Variants in TMEM163 observed in about 807,000 individuals in gnomAD.
TMEM163 encodes transmembrane protein 163.
TMEM163 carries 17 observed loss-of-function variants against 29.3 expected under a neutral mutation model. The ratio of observed to expected loss-of-function variants is 0.58; its 90% CI spans 0.40 to 0.87. The LOEUF (loss-of-function observed/expected upper bound fraction) is 0.87. Among genes scored for constraint, TMEM163 ranks in the 40% least tolerant of loss-of-function variants. The pLI is 0.00. For missense variants in TMEM163, 303 were observed against 381.5 expected (o/e 0.79, Z 1.71); for synonymous variants, 157 against 160.6 (o/e 0.98, Z 0.17).
chr2:134,543,719 T>C (rs954997859), intron 4 of TMEM163, among the ~76,000 whole-genome samples: 2 of 152,224 alleles, frequency 1.3e-5, no homozygotes, highest in Non-Finnish European at 2.9e-5. Context: ...TCCTGTTGAC[T>C]GGTGGTTTTC....
intron 5 of TMEM163, among the ~76,000 whole-genome samples, chr2:134,486,535 T>C (rs926103102): frequency 1.3e-5 from 2 of 152,218 alleles, no homozygotes; most frequent in East Asian, 3.8e-4. Context: ...ACAAGTAATA[T>C]GAGCAACTTT....
chr2:134,681,419 C>T (rs746474572), intron 2 of TMEM163, among the ~76,000 whole-genome samples: 1 of 152,214 alleles, frequency 6.6e-6, no homozygotes, highest in Non-Finnish European at 1.5e-5. Context: ...CAAGCTCAGC[C>T]AACCACTGGC....
chr2:134,641,016 T>G (rs1683210588), intron 2 of TMEM163, among the ~76,000 whole-genome samples: 1 of 152,180 alleles, frequency 6.6e-6, no homozygotes. Flanking sequence ...AAAAGAAAGT[T>G]TCAAAGCATT....
intron 4 of TMEM163, among the ~76,000 whole-genome samples, chr2:134,521,155 T>C (rs188536446): frequency 1.3e-5 from 2 of 152,248 alleles, no homozygotes; most frequent in Admixed American, 1.3e-4. Flanking sequence ...CATGCCACCA[T>C]GCCCAATTAG....
chr2:134,568,018 C>CT (rs1268568715), intron 2 of TMEM163, among the ~76,000 whole-genome samples: 1 of 152,208 alleles, frequency 6.6e-6, no homozygotes, highest in African/African-American at 2.4e-5. Flanking sequence ...ACTGCATAGT[C>CT]TTAGCATTCT....
intron 1 of TMEM163, among the ~76,000 whole-genome samples, chr2:134,716,840 A>G (rs1685049189): frequency 1.3e-5 from 2 of 152,250 alleles, no homozygotes. Flanking sequence ...ACTGGTTGCC[A>G]TCAGGAAGAG....
At chr2:134,471,315 T>C (rs950885747) in intron 5 of TMEM163, among the ~76,000 whole-genome samples, 1 of 152,156 alleles carries the variant, frequency 6.6e-6, no homozygotes, top group African/African-American at 2.4e-5. Context: ...TTAGATTAGG[T>C]CATAGGGGGA....
intron 2 of TMEM163, among the ~76,000 whole-genome samples, chr2:134,649,292 C>A (rs1683411949): frequency 2.0e-5 from 3 of 152,234 alleles, no homozygotes; most frequent in Admixed American, 1.3e-4. Flanking sequence ...TCAATGTCAA[C>A]TAATGATCAA....
chr2:134,505,402 C>T (rs1007142580), intron 4 of TMEM163, among the ~76,000 whole-genome samples: 12 of 152,112 alleles, frequency 7.9e-5, no homozygotes, highest in Non-Finnish European at 1.8e-4. Context: ...TCAGGTGGGG[C>T]CCTGTCCCTA....
intron 2 of TMEM163, among the ~76,000 whole-genome samples, chr2:134,603,746 T>C (rs1682287193): frequency 6.7e-6 from 1 of 150,354 alleles, no homozygotes; most frequent in Non-Finnish European, 1.5e-5. Flanking sequence ...ACCCTCTCCT[T>C]CTCCTTGGAC....
At chr2:134,693,877 C>A (rs1684526693) in intron 2 of TMEM163, among the ~76,000 whole-genome samples, 1 of 152,106 alleles carries the variant, frequency 6.6e-6, no homozygotes, top group African/African-American at 2.4e-5. Flanking sequence ...TGGGGATGTT[C>A]AGTCTTTGGA....
intron 4 of TMEM163, among the ~76,000 whole-genome samples, chr2:134,534,828 G>A (rs1401698881): frequency 6.6e-6 from 1 of 152,164 alleles, no homozygotes. Context: ...GAGTCTCTCT[G>A]TGACCACCTG....
chr2:134,613,253 T>C (rs1682543963), intron 2 of TMEM163, among the ~76,000 whole-genome samples: 1 of 152,084 alleles, frequency 6.6e-6, no homozygotes. Context: ...GAAAATTAAG[T>C]TTGGAGACTT....
At chr2:134,542,030 T>C (rs983892545) in intron 4 of TMEM163, among the ~76,000 whole-genome samples, 8 of 152,348 alleles carry the variant, frequency 5.3e-5, no homozygotes, top group African/African-American at 1.7e-4. Flanking sequence ...CCTCACTACA[T>C]GACTATCCCT....
At chr2:134,551,672 C>T (rs1193331927) in intron 3 of TMEM163, among the ~76,000 whole-genome samples, 1 of 152,186 alleles carries the variant, frequency 6.6e-6, no homozygotes, top group African/African-American at 2.4e-5. Context: ...CAGACTGACT[C>T]ATCCTAGCGC....
chr2:134,490,410 G>C (rs1574172267), intron 5 of TMEM163, among the ~76,000 whole-genome samples: 1 of 152,036 alleles, frequency 6.6e-6, no homozygotes, highest in East Asian at 1.9e-4. Context: ...CAGGTCCAGG[G>C]GTCCCTCCTG....
chr2:134,474,369 C>T (rs971730510), intron 5 of TMEM163, among the ~76,000 whole-genome samples: 5 of 152,048 alleles, frequency 3.3e-5, no homozygotes, highest in African/African-American at 1.2e-4. Context: ...TCTCAGCACT[C>T]TAGGAATGGA....
At chr2:134,683,287 A>G (rs1357027801) in intron 2 of TMEM163, among the ~76,000 whole-genome samples, 2 of 152,174 alleles carry the variant, frequency 1.3e-5, no homozygotes, top group Non-Finnish European at 2.9e-5. Context: ...ATCAAGTGTA[A>G]CAAATGCACC....
At chr2:134,645,377 A>G (rs968229855) in intron 2 of TMEM163, among the ~76,000 whole-genome samples, 3 of 152,220 alleles carry the variant, frequency 2.0e-5, no homozygotes, top group Non-Finnish European at 4.4e-5. Context: ...TTGTGCTATA[A>G]GAGTGGAGTG....
Sources: gnomAD v4.1 joint callset for allele counts (sites outside exome capture counted in the v4.1 genomes callset) on GRCh38, gnomAD v4.1.1 for gene constraint, MANE v1.5 for transcripts, NCBI Gene and HGNC (gene_info 2026-07-23, HGNC 2026-07-21) for gene names.